The following GNAS variants were observed in gnomAD, a reference collection of about 807,000 sequenced individuals.
GNAS encodes protein ALEX.
In GNAS, 8 loss-of-function variants were observed where a neutral mutation model predicts 54.5. The observed-to-expected ratio is 0.15, with a 90% CI of 0.09 to 0.26. The LOEUF (loss-of-function observed/expected upper bound fraction) is 0.26, where lower values mean the gene tolerates loss of function less well. Among genes scored for constraint, GNAS ranks in the 10% least tolerant of loss-of-function variants. The pLI is 1.00. For missense variants in GNAS, 170 were observed against 529.8 expected (o/e 0.32, Z 6.67); for synonymous variants, 204 against 191.4 (o/e 1.07, Z -0.54).
chr20:58,842,005 G>A (rs2085750537), intron 1 of GNAS: 2 of 881,692 alleles, frequency 2.3e-6, no homozygotes, highest in Non-Finnish European at 3.0e-6. Flanking sequence ...CCAGTCCTTG[G>A]ACGATCAGTC....
intron 1 of GNAS, among the ~76,000 whole-genome samples, chr20:58,852,166 CCTT>C (rs2086202185): frequency 6.6e-6 from 1 of 151,916 alleles, no homozygotes; most frequent in East Asian, 1.9e-4. Flanking sequence ...GCACCCGAGA[CCTT>C]CTTATTCCCC....
In GNAS at chr20:58,854,999, AGAC is replaced by A. The variant is rs923979805; in HGVS notation, c.43+14116_43+14118del. 3.1e-6 allele frequency: 5 copies of A among 1,612,558 alleles called. No individual in the cohort carries two copies. In the African/African-American group the frequency reaches 6.7e-5, roughly 22 times the overall value. On this transcript the variant is annotated intron_variant, in intron 1 of 12. Transcript: ENST00000306090. ...CCAGCAGCGACGATGACTCCAGCGG[AGAC>A]GAGTCCGACGATGGGACCTCCGGAT...
intron 2 of GNAS, among the ~76,000 whole-genome samples, chr20:58,896,621 TAAAAAA>T (rs5842245): frequency 2.2e-5 from 3 of 133,472 alleles, no homozygotes; most frequent in Middle Eastern, 3.8e-3. Flanking sequence ...ACAAAACGTG[TAAAAAA>T]AAAAAAAGAA....
At chr20:58,842,104 A>T (rs540677999) in intron 1 of GNAS, 1 of 401,192 alleles carries the variant, frequency 2.5e-6, no homozygotes, top group Non-Finnish European at 4.4e-6. Context: ...GCACGGGTAG[A>T]GTTAAGTTTA....
rs899777341 is a variant in GNAS at position 58,881,218 on chromosome 20, A to G, written c.44-14394A>G. Reference sequence around the variant, plus strand: ...GAGGCGTGGGTTAAATAACACCAGAATATGAATTGAGGGTCATTTCGGCTT... The same window carrying G: ...GAGGCGTGGGTTAAATAACACCAGAGTATGAATTGAGGGTCATTTCGGCTT... On this transcript the variant is annotated intron_variant, in intron 1 of 12. Transcript: ENST00000306090. Among the ~76,000 whole-genome samples the G allele has an allele frequency of 6.6e-5, 10 of 152,360 alleles. No individual in the cohort carries two copies. The South Asian group carries it at 1.9e-3, about 28-fold the overall frequency.
At position 58,853,084 on chromosome 20, in the gene GNAS, A is replaced by C. The variant is rs2086248404; in HGVS notation, c.43+12198A>C. 1 of 1,395,736 alleles carries C rather than the reference A, an allele frequency of 7.2e-7. No individual in the cohort carries two copies. The highest frequency in any genetic ancestry group is 3.1e-5 in the Admixed American group (1 of 32,082). The allele number at this position is 1,395,736 out of a possible 1,614,324, so 86.5% of individuals were successfully genotyped here. A position where few individuals can be genotyped will look rare whatever the true frequency, so the allele number is the denominator to read the frequency against. On this transcript the variant is annotated intron_variant, in intron 1 of 12. Coordinates refer to the GNAS transcript ENST00000306090. The surrounding 1 kb of genome is among the most constrained non-coding windows in gnomAD (Gnocchi z 4.4). ...GCAACAATTGAGTTGCTTCAGCCTC[A>C]GTCTAGGGTTCCTTCCAGGCCTTGA...
At position 58,853,393 on chromosome 20, in the gene GNAS, C is replaced by A. The variant is rs1600703977; in HGVS notation, c.43+12507C>A. 1.3e-6 allele frequency: 2 copies of A among 1,565,918 alleles called. No individual in the cohort carries two copies. Among genetic ancestry groups the A allele is most frequent in the Non-Finnish European group, 1.7e-6 (2 of 1,155,972 alleles). On this transcript the variant is annotated intron_variant, in intron 1 of 12. Transcript: ENST00000306090. The surrounding 1 kb of genome is among the most constrained non-coding windows in gnomAD (Gnocchi z 4.4). ...GGGGCAGCTGCCCCCGGTGCTGGGCCTAGCCCAGCCGAAGAGATGGAGACC... is the reference window on the plus strand; with the variant it reads ...GGGGCAGCTGCCCCCGGTGCTGGGCATAGCCCAGCCGAAGAGATGGAGACC...
intron 1 of GNAS, among the ~76,000 whole-genome samples, chr20:58,886,323 GT>G (rs1400506761): frequency 1.3e-5 from 2 of 152,194 alleles, no homozygotes; most frequent in Non-Finnish European, 2.9e-5. Context: ...GTGACCTAGT[GT>G]TTTAGGTTAG....
intron 1 of GNAS, chr20:58,854,097 C>G (rs748957817): frequency 6.2e-7 from 1 of 1,612,250 alleles, no homozygotes; most frequent in Non-Finnish European, 8.5e-7. Context: ...CCTCTGGGTC[C>G]CAGGCGCCAT....
chr20:58,855,116 G>A lies in GNAS; in HGVS notation c.43+14230G>A, dbSNP rs780654266. 1.6e-5 allele frequency: 26 copies of A among 1,613,586 alleles called. No individual in the cohort carries two copies. The highest frequency in any genetic ancestry group is 2.2e-5 in the Non-Finnish European group (26 of 1,179,906). On this transcript the variant is annotated intron_variant, in intron 1 of 12. Coordinates refer to the GNAS transcript ENST00000306090. The stretch of plus-strand genomic sequence containing the variant: ...GCAACTTTCTCGTGCAAGCCTTCGG[G>A]GGCTGCTTCGGTCGATCTGAGAGTC...
intron 1 of GNAS, among the ~76,000 whole-genome samples, chr20:58,892,728 C>G (rs1251345452): frequency 6.6e-6 from 1 of 151,952 alleles, no homozygotes; most frequent in East Asian, 1.9e-4. Flanking sequence ...GACCACCCCC[C>G]AACACCAAAA....
At chr20:58,897,655 CTT>C (rs1256901091) in intron 2 of GNAS, 1 of 152,190 alleles carries the variant, frequency 6.6e-6, no homozygotes, top group Non-Finnish European at 1.5e-5. Context: ...CAGAACTTCT[CTT>C]TTCTGTTTTC....
intron 1 of GNAS, among the ~76,000 whole-genome samples, chr20:58,883,446 C>T (rs549712449): frequency 2.0e-3 from 298 of 152,282 alleles, no homozygotes; most frequent in African/African-American, 6.8e-3. Context: ...TGGGACGTGG[C>T]TGTGGGTAGA....
Position 58,853,375 on chromosome 20 carries a change from C to T in GNAS, c.43+12489C>T. ...CCACCTTTGGAGGCCCCAGGGGCAG[C>T]TGCCCCCGGTGCTGGGCCTAGCCCA... On this transcript the variant is annotated intron_variant, in intron 1 of 12. Coordinates refer to the GNAS transcript ENST00000306090. The surrounding 1 kb of genome is among the most constrained non-coding windows in gnomAD (Gnocchi z 4.4). 4 of 1,556,444 alleles carry T rather than the reference C, an allele frequency of 2.6e-6. No homozygotes were observed. Among genetic ancestry groups the T allele is most frequent in the East Asian group, 2.4e-5 (1 of 41,098 alleles).
intron 1 of GNAS, among the ~76,000 whole-genome samples, chr20:58,865,286 C>T (rs1354081076): frequency 2.0e-5 from 3 of 151,368 alleles, no homozygotes; most frequent in East Asian, 2.0e-4. Flanking sequence ...GGCGTGGTGG[C>T]GGGCACCTAT....
At chr20:58,895,561 A>G (rs200549557) in intron 1 of GNAS, 51 bp from the exon 2 acceptor site, 1 of 1,105,482 alleles carries the variant, frequency 9.0e-7, no homozygotes, top group Admixed American at 1.7e-5. Context: ...CTCCCTGCCC[A>G]AAGTGTTAAA....
At chr20:58,892,380 A>G (rs1311647121) in intron 1 of GNAS, 1 of 56,142 alleles carries the variant, frequency 1.8e-5, no homozygotes, top group Non-Finnish European at 3.3e-5. Flanking sequence ...CGAGGAGAGG[A>G]GGGGGTGACG....
intron 1 of GNAS, among the ~76,000 whole-genome samples, chr20:58,893,730 A>G (rs2089757046): frequency 2.6e-5 from 4 of 152,260 alleles, no homozygotes; most frequent in African/African-American, 9.6e-5. Context: ...GGATATTAGT[A>G]TGCGTATAAC....
chr20:58,841,810 C>T lies in GNAS; in HGVS notation c.43+924C>T. On this transcript the variant is annotated intron_variant, in intron 1 of 12. Coordinates refer to the GNAS transcript ENST00000306090. The surrounding 1 kb of genome is among the most constrained non-coding windows in gnomAD (Gnocchi z 5.0). ...GGTGGCCAGGCTGCATGCGGCTTAG[C>T]AGGAGACGTCCTGGGCTGTTTGCGC... 1 of 1,230,864 alleles carries T rather than the reference C, an allele frequency of 8.1e-7. No homozygotes were observed. 76.2% of individuals were successfully genotyped at this position (1,230,864 alleles called of 1,614,324 possible).
Sources: allele counts gnomAD v4.1 joint callset (sites outside exome capture counted in the v4.1 genomes callset), GRCh38; gene constraint gnomAD v4.1.1; non-coding constraint Gnocchi (gnomAD v3.1); transcripts MANE v1.5; gene names NCBI Gene and HGNC (gene_info 2026-07-23, HGNC 2026-07-21).